The following PDS5A variants were observed in gnomAD, a reference collection of about 807,000 sequenced individuals.
PDS5A encodes sister chromatid cohesion protein PDS5 homolog A.
Under a neutral mutation model 167.1 loss-of-function variants are expected in PDS5A, and 42 were observed. The observed-to-expected ratio is 0.25, with a 90% CI of 0.20 to 0.33. The LOEUF (loss-of-function observed/expected upper bound fraction) is 0.33, where lower values mean the gene tolerates loss of function less well. Ranked by LOEUF, PDS5A falls within the 10% of genes least tolerant of loss-of-function variation. The pLI is 1.00. For missense variants in PDS5A, 1,033 were observed against 1,605.9 expected (o/e 0.64, Z 6.10); for synonymous variants, 553 against 554.6 (o/e 1.00, Z 0.04).
chr4:39,861,460 A>G (rs1001879596), intron 26 of PDS5A, among the ~76,000 whole-genome samples: 5 of 152,178 alleles, frequency 3.3e-5, no homozygotes, highest in African/African-American at 1.2e-4. Context: ...TCCATCTCGG[A>G]AAAAAATAAA....
chr4:39,827,436 T>G (rs1395494274), intron 32 of PDS5A, among the ~76,000 whole-genome samples: 1 of 152,234 alleles, frequency 6.6e-6, no homozygotes, highest in Admixed American at 6.5e-5. Context: ...CTTGATTCTA[T>G]GTACCAAGAT....
intron 2 of PDS5A, among the ~76,000 whole-genome samples, chr4:39,974,583 T>G (rs1376572749): frequency 1.3e-5 from 2 of 152,110 alleles, no homozygotes; most frequent in Non-Finnish European, 1.5e-5. Flanking sequence ...TCACTCCTGT[T>G]GCCCAGGCTG....
intron 2 of PDS5A, among the ~76,000 whole-genome samples, chr4:39,931,309 C>T (rs1437064044): frequency 1.3e-5 from 2 of 151,772 alleles, no homozygotes; most frequent in Non-Finnish European, 2.9e-5. Context: ...GGTGCCCAGG[C>T]TAAAAAAATT....
intron 17 of PDS5A, among the ~76,000 whole-genome samples, chr4:39,883,916 C>T (rs1050723028): frequency 1.3e-5 from 2 of 151,636 alleles, no homozygotes; most frequent in African/African-American, 4.8e-5. Context: ...TGGCGTGAGT[C>T]ACCACACCCA....
chr4:39,940,073 C>T (rs573099845), intron 2 of PDS5A, among the ~76,000 whole-genome samples: 4 of 152,088 alleles, frequency 2.6e-5, no homozygotes, highest in Non-Finnish European at 5.9e-5. Context: ...GCCTGGCTAA[C>T]ATGGCAAAAC....
chr4:39,826,473 T>TTTTATTTA (rs57090254), intron 32 of PDS5A, among the ~76,000 whole-genome samples: 5,714 of 143,746 alleles, frequency 0.04, 157 homozygotes, highest in Non-Finnish European at 0.053. Context: ...CATTCCACAT[T>TTTTATTTA]TTTATTTATT....
At chr4:39,964,431 C>CA (rs1183161519) in intron 2 of PDS5A, among the ~76,000 whole-genome samples, 2 of 152,202 alleles carry the variant, frequency 1.3e-5, no homozygotes, top group Non-Finnish European at 2.9e-5. Flanking sequence ...AAGCCAGACT[C>CA]AGAGGCTTAT....
At chr4:39,960,047 C>T (rs982882347) in intron 2 of PDS5A, among the ~76,000 whole-genome samples, 4 of 152,018 alleles carry the variant, frequency 2.6e-5, no homozygotes, top group East Asian at 3.9e-4. Context: ...GAGCTGAGAT[C>T]GCGCCACTGC....
chr4:39,929,223 C>CT (rs1002298637), intron 2 of PDS5A, among the ~76,000 whole-genome samples: 15 of 152,010 alleles, frequency 9.9e-5, no homozygotes, highest in Middle Eastern at 3.4e-3. Context: ...CTGGGTGTGC[C>CT]TGTGTGTGTG....
intron 7 of PDS5A, among the ~76,000 whole-genome samples, chr4:39,917,978 G>C (rs961059380): frequency 3.3e-5 from 5 of 151,996 alleles, no homozygotes; most frequent in African/African-American, 1.2e-4. Flanking sequence ...AGGAGTTGGA[G>C]ACCAGCCTGG....
At chr4:39,915,642 G>C (rs1724307887) in intron 8 of PDS5A, among the ~76,000 whole-genome samples, 1 of 152,108 alleles carries the variant, frequency 6.6e-6, no homozygotes, top group Non-Finnish European at 1.5e-5. Flanking sequence ...TTACAGGTAT[G>C]AGCTACCGCA....
At chr4:39,944,765 G>C (rs1727592929) in intron 2 of PDS5A, among the ~76,000 whole-genome samples, 1 of 150,730 alleles carries the variant, frequency 6.6e-6, no homozygotes, top group South Asian at 2.1e-4. Context: ...TTTGAGACTT[G>C]GTTTTAACAT....
At chr4:39,923,837 C>G (rs2109723755) in intron 5 of PDS5A, among the ~76,000 whole-genome samples, 1 of 152,062 alleles carries the variant, frequency 6.6e-6, no homozygotes, top group Non-Finnish European at 1.5e-5. Context: ...AGATAAAAAC[C>G]TATTTAAACA....
chr4:39,963,054 C>T (rs1418314515), intron 2 of PDS5A, among the ~76,000 whole-genome samples: 2 of 151,850 alleles, frequency 1.3e-5, no homozygotes, highest in African/African-American at 4.8e-5. Context: ...CCTGGTGGCT[C>T]ACGCCTGTAA....
chr4:39,921,605 A>G (rs1398222865), intron 6 of PDS5A, among the ~76,000 whole-genome samples: 2 of 144,578 alleles, frequency 1.4e-5, no homozygotes, highest in Non-Finnish European at 3.1e-5. Context: ...AAAAAAAAAA[A>G]GCCAGGTATG....
chr4:39,970,107 C>T (rs1005590181), intron 2 of PDS5A, among the ~76,000 whole-genome samples: 3 of 151,868 alleles, frequency 2.0e-5, no homozygotes, highest in Non-Finnish European at 4.4e-5. Context: ...ACCTTGGCCT[C>T]CCAAAGTGCT....
rs764102453 is a variant in PDS5A at position 39,929,609 on chromosome 4, G to A, written c.139-1445C>T. 2.9e-4 allele frequency among the ~76,000 whole-genome samples: 23 copies of A among 79,022 alleles called. 1 individual carries two copies. The South Asian group carries it at 8.7e-3, about 30-fold the overall frequency. 51.8% of individuals were successfully genotyped at this position (79,022 alleles called of 152,430 possible). ...TCCTATACATATCCTATTGGGGCGTGTGTGTGTGTGTGTGTGTGTGTATTC... is the reference window on the plus strand; with the variant it reads ...TCCTATACATATCCTATTGGGGCGTATGTGTGTGTGTGTGTGTGTGTATTC... On this transcript the variant is annotated intron_variant, in intron 2 of 32. Coordinates refer to ENST00000303538, the MANE Select transcript of PDS5A (RefSeq NM_001100399.2).
intron 2 of PDS5A, among the ~76,000 whole-genome samples, chr4:39,935,280 T>C (rs1726488646): frequency 6.6e-6 from 1 of 152,124 alleles, no homozygotes; most frequent in South Asian, 2.1e-4. Flanking sequence ...CTACTTCCAG[T>C]AGAGATGGGG....
chr4:39,934,765 C>A (rs1379964581), intron 2 of PDS5A, among the ~76,000 whole-genome samples: 1 of 151,594 alleles, frequency 6.6e-6, no homozygotes, highest in Non-Finnish European at 1.5e-5. Context: ...TACCACATTC[C>A]AGCACTCTAT....
Sources: gnomAD v4.1 joint callset for allele counts (sites outside exome capture counted in the v4.1 genomes callset) on GRCh38, gnomAD v4.1.1 for gene constraint, MANE v1.5 for transcripts, NCBI Gene and HGNC (gene_info 2026-07-23, HGNC 2026-07-21) for gene names.